Variants in LMNTD1 observed in about 807,000 individuals in gnomAD.
LMNTD1 encodes lamin tail domain-containing protein 1.
LMNTD1 carries 35 observed loss-of-function variants against 50.9 expected under a neutral mutation model. The observed-to-expected ratio is 0.69, with a 90% CI of 0.53 to 0.91. LMNTD1 has a LOEUF of 0.91. LMNTD1 is among the 40% of genes least tolerant of loss of function. The pLI, the probability that LMNTD1 is intolerant of heterozygous loss-of-function variation, is 0.00. For synonymous variants in LMNTD1, 153 were observed against 161.9 expected (o/e 0.94, Z 0.42); for missense variants, 470 against 475.5 (o/e 0.99, Z 0.11).
intron 8 of LMNTD1, among the ~76,000 whole-genome samples, chr12:25,515,796 A>G (rs1352795141): frequency 3.3e-5 from 5 of 152,118 alleles, no homozygotes; most frequent in African/African-American, 1.2e-4. Context: ...ACAGTTTAAA[A>G]CAAGGCAACC....
At chr12:25,483,314 C>T (rs1565934033) in intron 9 of LMNTD1, among the ~76,000 whole-genome samples, 1 of 151,666 alleles carries the variant, frequency 6.6e-6, no homozygotes, top group Non-Finnish European at 1.5e-5. Flanking sequence ...GTCCCAGCTA[C>T]TCGGGAGGCT....
chr12:25,547,636 G>GA (rs944268933), intron 3 of LMNTD1, among the ~76,000 whole-genome samples: 7 of 149,900 alleles, frequency 4.7e-5, no homozygotes, highest in South Asian at 4.2e-4. Flanking sequence ...ATTTTGCTGA[G>GA]AAAAAAAAAG....
chr12:25,640,830 C>A (rs1172111184), intron 1 of LMNTD1, among the ~76,000 whole-genome samples: 1 of 151,080 alleles, frequency 6.6e-6, no homozygotes, highest in East Asian at 2.0e-4. Flanking sequence ...GCCTGGCTAA[C>A]TTTTTTTTTG....
intron 1 of LMNTD1, among the ~76,000 whole-genome samples, chr12:25,586,439 C>T (rs16929101): frequency 1.3e-5 from 2 of 152,090 alleles, no homozygotes; most frequent in Non-Finnish European, 2.9e-5. Context: ...ATTGGTCTTC[C>T]TCACTTCCAA....
intron 1 of LMNTD1, among the ~76,000 whole-genome samples, chr12:25,568,800 G>A (rs1182157931): frequency 1.3e-5 from 2 of 152,214 alleles, no homozygotes; most frequent in Non-Finnish European, 2.9e-5. Flanking sequence ...GCCTGCAGGT[G>A]CACAGAATCC....
chr12:25,630,545 C>G (rs1440750761), intron 1 of LMNTD1: 1 of 152,264 alleles, frequency 6.6e-6, no homozygotes, highest in African/African-American at 2.4e-5. Flanking sequence ...AACACACACC[C>G]CCGCTGGAGA....
intron 7 of LMNTD1, among the ~76,000 whole-genome samples, chr12:25,519,545 G>T (rs942831732): frequency 4.5e-5 from 6 of 134,000 alleles, no homozygotes; most frequent in Admixed American, 8.6e-5. Context: ...CCGAGATGGC[G>T]CCACTGCACT....
At chr12:25,584,171 A>G (rs1468694456) in intron 1 of LMNTD1, among the ~76,000 whole-genome samples, 1 of 152,238 alleles carries the variant, frequency 6.6e-6, no homozygotes, top group Non-Finnish European at 1.5e-5. Context: ...CTGAGCAATG[A>G]GAGGAATTGA....
At chr12:25,621,892 G>C (rs1946480123) in intron 1 of LMNTD1, among the ~76,000 whole-genome samples, 1 of 152,160 alleles carries the variant, frequency 6.6e-6, no homozygotes, top group African/African-American at 2.4e-5. Context: ...AGAGGGTTCT[G>C]GACAGAAAAC....
intron 1 of LMNTD1, among the ~76,000 whole-genome samples, chr12:25,568,025 A>T (rs1944630172): frequency 6.6e-6 from 1 of 152,160 alleles, no homozygotes; most frequent in Admixed American, 6.5e-5. Flanking sequence ...TAGAAAGATT[A>T]GGGAAAGTTT....
At chr12:25,589,265 T>C (rs1293846989) in intron 1 of LMNTD1, among the ~76,000 whole-genome samples, 1 of 152,158 alleles carries the variant, frequency 6.6e-6, no homozygotes, top group Non-Finnish European at 1.5e-5. Flanking sequence ...TGAATGAATC[T>C]CATAAACATG....
chr12:25,647,096 G>A (rs143108964), intron 1 of LMNTD1, among the ~76,000 whole-genome samples: 88 of 152,236 alleles, frequency 5.8e-4, no homozygotes, highest in African/African-American at 2.0e-3. Context: ...TTTCCAAAAC[G>A]ATTGAATAGG....
intron 9 of LMNTD1, among the ~76,000 whole-genome samples, chr12:25,491,227 G>A (rs1344442576): frequency 1.3e-5 from 2 of 152,214 alleles, no homozygotes; most frequent in Non-Finnish European, 2.9e-5. Flanking sequence ...AAAATCAAAT[G>A]TTGATCAAGA....
chr12:25,636,135 G>A (rs1946828434), intron 1 of LMNTD1, among the ~76,000 whole-genome samples: 1 of 152,050 alleles, frequency 6.6e-6, no homozygotes, highest in South Asian at 2.1e-4. Context: ...TAAATAGTAG[G>A]GACCTAATTA....
chr12:25,616,686 C>T (rs117502838), intron 1 of LMNTD1, among the ~76,000 whole-genome samples: 2 of 152,202 alleles, frequency 1.3e-5, no homozygotes, highest in Non-Finnish European at 2.9e-5. Context: ...GGGGATCTCT[C>T]TGAGTTATTT....
rs1941694824 is a variant in LMNTD1 at position 25,526,191 on chromosome 12, G to T, written c.706C>A (p.His236Asn). Residue 236 changes from histidine (H) to asparagine (N), a missense_variant, in exon 6 of 10, where the codon CAT becomes AAT. By Grantham distance (68) the His-to-Asn change is moderately conservative. Coordinates refer to ENST00000458174, the MANE Select transcript of LMNTD1 (RefSeq NM_001145728.2). ...CAAAGAAAATCTGATGGAGGTTGATGCTTTGCTTCAGATGCTGCTGCCCAC... is the reference window on the plus strand; with the variant it reads ...CAAAGAAAATCTGATGGAGGTTGATTCTTTGCTTCAGATGCTGCTGCCCAC... ...TVWAAASEAK[H>N]QPPSDFLWKE... 1.2e-6 allele frequency: 2 copies of T among 1,610,554 alleles called. No individual in the cohort carries two copies. The highest frequency in any genetic ancestry group is 1.7e-5 in the Admixed American group (1 of 59,642).
At chr12:25,542,105 C>T (rs1484994915) in intron 4 of LMNTD1, among the ~76,000 whole-genome samples, 3 of 150,162 alleles carry the variant, frequency 2.0e-5, no homozygotes, top group Non-Finnish European at 4.5e-5. Flanking sequence ...GAAATAGGAA[C>T]ACTTTTACAC....
At chr12:25,620,320 T>C (rs1946443793) in intron 1 of LMNTD1, among the ~76,000 whole-genome samples, 1 of 152,174 alleles carries the variant, frequency 6.6e-6, no homozygotes, top group Admixed American at 6.5e-5. Context: ...AATTCTGTTC[T>C]CAATTCCAAT....
intron 1 of LMNTD1, chr12:25,585,955 C>T (rs1945509097): frequency 1.3e-5 from 2 of 152,132 alleles, no homozygotes; most frequent in South Asian, 4.1e-4. Flanking sequence ...ACTCACTTGC[C>T]CTCGGTCATT....
Sources: gnomAD v4.1 joint callset for allele counts (sites outside exome capture counted in the v4.1 genomes callset) on GRCh38, gnomAD v4.1.1 for gene constraint, MANE v1.5 for transcripts, NCBI Gene and HGNC (gene_info 2026-07-23, HGNC 2026-07-21) for gene names.